DOCK2: variants seen among roughly 807,000 people sequenced by gnomAD.
DOCK2 encodes the protein dedicator of cytokinesis 2, also known as dedicator of cytokinesis protein 2.
A neutral mutation model predicts 248.9 loss-of-function variants in DOCK2; 87 were observed. The ratio of observed to expected loss-of-function variants is 0.35; its 90% CI spans 0.29 to 0.42. The LOEUF is 0.42. Ranked by LOEUF, DOCK2 falls within the 10% of genes least tolerant of loss-of-function variation. The probability of loss-of-function intolerance (pLI) is 1.00; values close to 1 mark genes in which losing one functional copy is unlikely to be tolerated. For synonymous variants in DOCK2, 805 were observed against 821.6 expected, an observed-to-expected ratio of 0.98 and a Z score of 0.35; for missense variants, 1,747 against 2,300.2, an observed-to-expected ratio of 0.76 and a Z score of 4.92.
intron 27 of DOCK2, among the ~76,000 whole-genome samples, chr5:169,858,020 G>T (rs1414975082): frequency 1.3e-5 from 2 of 152,086 alleles, no homozygotes; most frequent in Non-Finnish European, 2.9e-5. Context: ...TATCATTCAG[G>T]ACTGTACTCA....
At position 169,840,779 on chromosome 5, in the gene DOCK2, A is replaced by G; in HGVS notation, c.2726A>G (p.Gln909Arg). The change falls in exon 27 of 52, where the codon CAG becomes CGG. Residue 909 changes from glutamine (Q) to arginine (R), a missense_variant. Transcript: ENST00000520908. Reference protein sequence around the residue: ...QDAAFTYHHIQEIMVQLLRTV... With the variant: ...QDAAFTYHHIREIMVQLLRTV... ...CAGGCCTTCACCTACCACCATATCC[A>G]GGAGATCATGGTCCAGCTGCTGCGG... The G allele has an allele frequency of 6.2e-7, 1 of 1,614,012 alleles. No individual in the cohort carries two copies. Among genetic ancestry groups the G allele is most frequent in the Non-Finnish European group, 8.5e-7 (1 of 1,179,952 alleles).
chr5:170,073,953 C>T (rs1561909445), intron 46 of DOCK2, among the ~76,000 whole-genome samples: 1 of 152,030 alleles, frequency 6.6e-6, no homozygotes, highest in Non-Finnish European at 1.5e-5. Flanking sequence ...CCACTCTCAC[C>T]TTTATTATTT....
At chr5:169,646,067 G>A (rs1372858083) in intron 1 of DOCK2, among the ~76,000 whole-genome samples, 1 of 152,136 alleles carries the variant, frequency 6.6e-6, no homozygotes, top group Non-Finnish European at 1.5e-5. Flanking sequence ...GGTTTTTATG[G>A]TTTGGGATTT....
chr5:169,974,413 G>C (rs1318807274), intron 27 of DOCK2, among the ~76,000 whole-genome samples: 1 of 152,166 alleles, frequency 6.6e-6, no homozygotes, highest in East Asian at 1.9e-4. Context: ...CCTATAAAAA[G>C]TCCTTTCAGA....
chr5:169,759,468 T>G (rs1459446894), intron 23 of DOCK2, among the ~76,000 whole-genome samples: 2 of 152,264 alleles, frequency 1.3e-5, no homozygotes, highest in Non-Finnish European at 2.9e-5. Context: ...ACAAGGTCTG[T>G]GGTCATTCTA....
Position 170,019,429 on chromosome 5 carries a change from C to G in DOCK2, c.3381+321C>G, listed in dbSNP as rs1241924282. Among the ~76,000 whole-genome samples the G allele has an allele frequency of 4.6e-5, 7 of 152,256 alleles. No homozygotes were observed. In the South Asian group the frequency reaches 1.2e-3, roughly 27 times the overall value. On this transcript the variant is annotated intron_variant, in intron 33 of 51. Transcript: ENST00000520908. ...CCAGGGCCCACCCGTCCCACCTGTC[C>G]CACTCTCTCACCCACTCTTGTCTAG...
At chr5:169,740,248 A>G (rs978877873) in intron 22 of DOCK2, among the ~76,000 whole-genome samples, 5 of 152,158 alleles carry the variant, frequency 3.3e-5, no homozygotes, top group Admixed American at 1.3e-4. Flanking sequence ...TGAATGTTTC[A>G]GATGGATTGT....
rs372927020 is a variant in DOCK2 at position 170,067,638 on chromosome 5, C to T, written c.4596C>T (p.Asn1532=). 97 of 1,614,150 alleles carry T rather than the reference C, an allele frequency of 6.0e-5. No individual in the cohort carries two copies. The highest frequency in any genetic ancestry group is 2.7e-4 in the East Asian group (12 of 44,882). The change falls in exon 45 of 52, where the codon AAC becomes AAT. Residue 1532 remains asparagine (N), a synonymous_variant. Coordinates refer to ENST00000520908, the MANE Select transcript of DOCK2 (RefSeq NM_004946.3). ...LPINPLSMLL[N]GIVDPAVMGG... is the part of the protein sequence containing the mutation. ...TCAACCCACTCTCCATGCTCCTGAA[C>T]GGGATTGTGGACCCTGCTGTCATGG...
chr5:169,724,305 G>A (rs1347761210), intron 22 of DOCK2, among the ~76,000 whole-genome samples: 2 of 152,174 alleles, frequency 1.3e-5, no homozygotes, highest in African/African-American at 4.8e-5. Flanking sequence ...AGATGAGCTG[G>A]AGCAGGAGTG....
intron 6 of DOCK2, among the ~76,000 whole-genome samples, chr5:169,676,332 C>T (rs896496060): frequency 6.6e-6 from 1 of 152,170 alleles, no homozygotes; most frequent in Non-Finnish European, 1.5e-5. Context: ...AGTAGGTTCT[C>T]AGTGAGTGAC....
At chr5:169,955,776 C>T (rs1391853252) in intron 27 of DOCK2, among the ~76,000 whole-genome samples, 1 of 152,140 alleles carries the variant, frequency 6.6e-6, no homozygotes, top group African/African-American at 2.4e-5. Context: ...ATCCTGCCTC[C>T]CAGGGCTTTA....
intron 25 of DOCK2, among the ~76,000 whole-genome samples, chr5:169,770,760 G>A (rs1002408255): frequency 2.6e-5 from 4 of 152,086 alleles, no homozygotes; most frequent in Non-Finnish European, 5.9e-5. Flanking sequence ...ATTAAACTAG[G>A]AATCATCCAT....
At chr5:170,054,482 G>A (rs1459814876) in intron 41 of DOCK2, among the ~76,000 whole-genome samples, 1 of 152,220 alleles carries the variant, frequency 6.6e-6, no homozygotes, top group Non-Finnish European at 1.5e-5. Flanking sequence ...GACCCACATA[G>A]TGCTTTTCCA....
intron 2 of DOCK2, among the ~76,000 whole-genome samples, chr5:169,659,244 A>C (rs1015086611): frequency 1.3e-5 from 2 of 152,052 alleles, no homozygotes; most frequent in African/African-American, 4.8e-5. Context: ...TGCTTCTGCT[A>C]CCCACTAGTG....
intron 27 of DOCK2, among the ~76,000 whole-genome samples, chr5:169,972,259 A>C (rs1777530979): frequency 6.6e-6 from 1 of 152,218 alleles, no homozygotes; most frequent in Non-Finnish European, 1.5e-5. Context: ...AGCCTAGTGC[A>C]AACCTTACCT....
At chr5:169,825,812 G>A (rs961870054) in intron 26 of DOCK2, among the ~76,000 whole-genome samples, 7 of 147,064 alleles carry the variant, frequency 4.8e-5, no homozygotes, top group South Asian at 2.1e-4. Flanking sequence ...ATATTGAAAC[G>A]TTTGCATAAC....
At chr5:170,028,292 C>T (rs948697810) in intron 34 of DOCK2, among the ~76,000 whole-genome samples, 1 of 152,196 alleles carries the variant, frequency 6.6e-6, no homozygotes, top group East Asian at 1.9e-4. Flanking sequence ...TCATGCCCTA[C>T]GTTTACTGAG....
At chr5:169,995,978 C>A in intron 29 of DOCK2, 108 bp from the exon 30 acceptor site, 1 of 1,191,584 alleles carries the variant, frequency 8.4e-7, no homozygotes. Flanking sequence ...GTAATTTGGC[C>A]TTTGAGCCTC....
intron 25 of DOCK2, among the ~76,000 whole-genome samples, chr5:169,775,688 C>A (rs898334651): frequency 6.6e-6 from 1 of 151,612 alleles, no homozygotes; most frequent in African/African-American, 2.4e-5. Context: ...ATAAGAATGA[C>A]TATTGCCAGA....
Sources: gnomAD v4.1 joint callset for allele counts (sites outside exome capture counted in the v4.1 genomes callset) on GRCh38, gnomAD v4.1.1 for gene constraint, MANE v1.5 for transcripts, NCBI Gene and HGNC (gene_info 2026-07-23, HGNC 2026-07-21) for gene names.